The following PROS1 variants were observed in gnomAD, a reference collection of about 807,000 sequenced individuals.
The protein encoded by PROS1 is vitamin K-dependent protein S.
A neutral mutation model predicts 75.9 loss-of-function variants in PROS1; 29 were observed. The ratio of observed to expected loss-of-function variants is 0.38; its 90% CI spans 0.28 to 0.52. The LOEUF is 0.52. Ranked by LOEUF, PROS1 falls within the 20% of genes least tolerant of loss-of-function variation. The probability of loss-of-function intolerance (pLI) is 0.83; values close to 1 mark genes in which losing one functional copy is unlikely to be tolerated. For missense variants in PROS1, 680 were observed against 810.3 expected (o/e 0.84, Z 1.95); for synonymous variants, 245 against 280.6 (o/e 0.87, Z 1.27).
intron 1 of PROS1, among the ~76,000 whole-genome samples, chr3:93,970,533 G>C (rs1709863175): frequency 1.3e-5 from 2 of 151,750 alleles, no homozygotes; most frequent in South Asian, 4.2e-4. Flanking sequence ...TGTAAAGACG[G>C]GGTCCCACTA....
At chr3:93,883,777 G>A (rs1708307803) in intron 12 of PROS1, among the ~76,000 whole-genome samples, 1 of 151,394 alleles carries the variant, frequency 6.6e-6, no homozygotes, top group Non-Finnish European at 1.5e-5. Context: ...AACCAGCCTG[G>A]CCAAAAACAC....
At chr3:93,879,070 T>G (rs1245750327) in intron 13 of PROS1, 93 bp downstream of exon 13, 1 of 1,275,342 alleles carries the variant, frequency 7.8e-7, no homozygotes, top group Non-Finnish European at 1.1e-6. Flanking sequence ...TTATTTAATC[T>G]TCAAAATAGT....
At chr3:93,886,079 A>AAC (rs1194056029) in intron 11 of PROS1, among the ~76,000 whole-genome samples, 14 of 152,176 alleles carry the variant, frequency 9.2e-5, no homozygotes, top group African/African-American at 3.4e-4. Context: ...CTCAAGTGTT[A>AAC]ACTTGAGAAT....
chr3:93,926,650 T>G (rs1177120929), intron 2 of PROS1, among the ~76,000 whole-genome samples: 1 of 152,160 alleles, frequency 6.6e-6, no homozygotes, highest in African/African-American at 2.4e-5. Flanking sequence ...AAAATAAAAA[T>G]AAATGCCAAT....
chr3:93,913,926 A>G (rs2107182859), intron 3 of PROS1, among the ~76,000 whole-genome samples: 1 of 152,254 alleles, frequency 6.6e-6, no homozygotes, highest in East Asian at 1.9e-4. Context: ...AGGTAAGAAC[A>G]GTAACTGGTC....
intron 7 of PROS1, among the ~76,000 whole-genome samples, chr3:93,899,816 A>G (rs1344369337): frequency 6.6e-6 from 1 of 152,194 alleles, no homozygotes; most frequent in Non-Finnish European, 1.5e-5. Flanking sequence ...GTTACTGCTT[A>G]AGAGTTTCTG....
intron 1 of PROS1, among the ~76,000 whole-genome samples, chr3:93,954,141 C>A (rs902088005): frequency 1.3e-5 from 2 of 152,106 alleles, no homozygotes; most frequent in Non-Finnish European, 2.9e-5. Context: ...ACGAAAATGG[C>A]CATACTGCCC....
At chr3:93,966,291 A>G (rs185109868) in intron 1 of PROS1, among the ~76,000 whole-genome samples, 1 of 152,316 alleles carries the variant, frequency 6.6e-6, no homozygotes, top group Admixed American at 6.5e-5. Context: ...AGTGACTTGT[A>G]AAGAGGTAGA....
chr3:93,926,952 T>C (rs564891253), intron 2 of PROS1, among the ~76,000 whole-genome samples: 2 of 151,776 alleles, frequency 1.3e-5, no homozygotes, highest in Non-Finnish European at 2.9e-5. Flanking sequence ...CCTAACACTA[T>C]CAAATTCTGG....
intron 12 of PROS1, among the ~76,000 whole-genome samples, chr3:93,881,672 A>G (rs531550074): frequency 1.3e-5 from 2 of 149,782 alleles, no homozygotes; most frequent in East Asian, 2.0e-4. Flanking sequence ...CCATCCTCAC[A>G]CCTCAGCCTC....
At chr3:93,936,807 T>C (rs1300149657) in intron 1 of PROS1, among the ~76,000 whole-genome samples, 3 of 152,258 alleles carry the variant, frequency 2.0e-5, no homozygotes, top group South Asian at 2.1e-4. Flanking sequence ...TTATGGTTAA[T>C]GATGGCAGAG....
intron 1 of PROS1, among the ~76,000 whole-genome samples, chr3:93,954,872 A>AT (rs1474752680): frequency 2.0e-5 from 3 of 152,224 alleles, no homozygotes; most frequent in Non-Finnish European, 4.4e-5. Context: ...ACTTCAACAA[A>AT]TTTACAAGAA....
rs562976297 is a variant in PROS1 at position 93,894,266 on chromosome 3, G to C, written c.966-1144C>G. ...ACAAAGAAAAGGTGACAAAATGAAT[G>C]TTTTCATCTTTAGAATTCCAAAGAA... is the stretch of plus-strand genomic sequence containing the variant. On this transcript the variant is annotated intron_variant, in intron 9 of 14. Transcript: ENST00000394236. Among the ~76,000 whole-genome samples the C allele has an allele frequency of 2.5e-4, 38 of 152,190 alleles. No homozygotes were observed. The East Asian group carries it at 6.2e-3, about 25-fold the overall frequency.
chr3:93,928,438 A>G (rs1488118404), intron 1 of PROS1, among the ~76,000 whole-genome samples: 1 of 151,178 alleles, frequency 6.6e-6, no homozygotes, highest in African/African-American at 2.4e-5. Context: ...GGAAACTGAG[A>G]CACGAGAATC....
chr3:93,953,832 C>T (rs1182818389), intron 1 of PROS1, among the ~76,000 whole-genome samples: 3 of 152,044 alleles, frequency 2.0e-5, no homozygotes, highest in Non-Finnish European at 4.4e-5. Flanking sequence ...AAAACTCCCT[C>T]GTCTCAGCCC....
At chr3:93,916,575 TC>T in intron 3 of PROS1, among the ~76,000 whole-genome samples, 1 of 152,304 alleles carries the variant, frequency 6.6e-6, no homozygotes, top group Non-Finnish European at 1.5e-5. Flanking sequence ...TATTCCCACT[TC>T]TCTTTCTTAC....
At chr3:93,954,124 C>G (rs924042148) in intron 1 of PROS1, among the ~76,000 whole-genome samples, 1 of 152,116 alleles carries the variant, frequency 6.6e-6, no homozygotes, top group African/African-American at 2.4e-5. Flanking sequence ...TAGGAAGAAT[C>G]AATATCACGA....
chr3:93,918,607 C>T (rs1322344148), intron 3 of PROS1, among the ~76,000 whole-genome samples: 2 of 152,218 alleles, frequency 1.3e-5, no homozygotes, highest in African/African-American at 4.8e-5. Context: ...ACACTCACCG[C>T]GAGGGTCGGC....
intron 11 of PROS1, 24 bp from the exon 12 acceptor site, chr3:93,884,920 A>G (rs1416771744): frequency 6.2e-7 from 1 of 1,601,850 alleles, no homozygotes. Flanking sequence ...ATACAAGTCA[A>G]GGAGTGCATT....
Sources: allele counts gnomAD v4.1 joint callset (sites outside exome capture counted in the v4.1 genomes callset), GRCh38; gene constraint gnomAD v4.1.1; transcripts MANE v1.5; gene names NCBI Gene and HGNC (gene_info 2026-07-23, HGNC 2026-07-21).